The following SCTR variants were observed in gnomAD, a reference collection of about 807,000 sequenced individuals.
SCTR encodes the protein secretin receptor, also known as pancreatic secretin receptor.
Under a neutral mutation model 60.8 loss-of-function variants are expected in SCTR, and 56 were observed. The ratio of observed to expected loss-of-function variants is 0.92; its 90% CI spans 0.74 to 1.15. The LOEUF (loss-of-function observed/expected upper bound fraction) is 1.15, where lower values mean the gene tolerates loss of function less well. Ranked by LOEUF, SCTR falls within the 50% of genes most tolerant of loss-of-function variation. The probability of loss-of-function intolerance (pLI) is 0.00; values close to 1 mark genes in which losing one functional copy is unlikely to be tolerated. For missense variants in SCTR, 562 were observed against 550.4 expected (o/e 1.02, Z -0.21); for synonymous variants, 202 against 217.0 (o/e 0.93, Z 0.61).
At chr2:119,464,648 A>G (rs1173373752) in intron 5 of SCTR, among the ~76,000 whole-genome samples, 1 of 152,174 alleles carries the variant, frequency 6.6e-6, no homozygotes, top group African/African-American at 2.4e-5. Context: ...CAAGAGGCTG[A>G]AGTGGGAGGA....
chr2:119,515,498 T>A (rs1349775904), intron 1 of SCTR, among the ~76,000 whole-genome samples: 1 of 152,188 alleles, frequency 6.6e-6, no homozygotes, highest in Non-Finnish European at 1.5e-5. Context: ...TGCTTCAACG[T>A]GGGCAGGCAC....
At chr2:119,494,885 TGTGA>T (rs1245404077) in intron 1 of SCTR, among the ~76,000 whole-genome samples, 1 of 152,238 alleles carries the variant, frequency 6.6e-6, no homozygotes, top group Non-Finnish European at 1.5e-5. Flanking sequence ...ACTCCAACTG[TGTGA>T]GTGTTTTCTT....
chr2:119,458,758 CT>C (rs1230699666), intron 7 of SCTR, among the ~76,000 whole-genome samples: 1 of 152,214 alleles, frequency 6.6e-6, no homozygotes, highest in African/African-American at 2.4e-5. Context: ...AGTGTGGCCC[CT>C]GGACCAGCAG....
At chr2:119,506,962 C>A (rs1678760065) in intron 1 of SCTR, among the ~76,000 whole-genome samples, 1 of 152,160 alleles carries the variant, frequency 6.6e-6, no homozygotes, top group Non-Finnish European at 1.5e-5. Context: ...TGATTGTAAT[C>A]TTGTACTGTC....
intron 10 of SCTR, among the ~76,000 whole-genome samples, 169 bp from the exon 11 acceptor site, chr2:119,447,054 T>A (rs2276595): frequency 0.25 from 37,980 of 151,882 alleles, 5,543 homozygotes; most frequent in African/African-American, 0.4. Flanking sequence ...TCTAACTCCC[T>A]CATATCCATC....
At chr2:119,482,503 A>G (rs943283370) in intron 2 of SCTR, among the ~76,000 whole-genome samples, 1 of 152,226 alleles carries the variant, frequency 6.6e-6, no homozygotes, top group Non-Finnish European at 1.5e-5. Context: ...GGAAGCATCT[A>G]TGAGGCCAAG....
intron 9 of SCTR, 52 bp from the exon 10 acceptor site, chr2:119,448,832 A>G: frequency 1.0e-6 from 1 of 992,970 alleles, no homozygotes. Flanking sequence ...TTTTCCAGCC[A>G]CCTCTCCTGG....
At chr2:119,488,381 A>G (rs1414570713) in intron 2 of SCTR, among the ~76,000 whole-genome samples, 1 of 152,170 alleles carries the variant, frequency 6.6e-6, no homozygotes, top group Admixed American at 6.5e-5. Flanking sequence ...AGAGAGGGGT[A>G]TGGTCAGGGC....
At chr2:119,496,477 A>G (rs1678351414) in intron 1 of SCTR, among the ~76,000 whole-genome samples, 1 of 152,204 alleles carries the variant, frequency 6.6e-6, no homozygotes, top group Non-Finnish European at 1.5e-5. Flanking sequence ...TTCCAGAAAA[A>G]TGGGTTAGAT....
chr2:119,461,763 G>A (rs1683613219), intron 7 of SCTR, 84 bp downstream of exon 7: 6 of 1,047,842 alleles, frequency 5.7e-6, no homozygotes, highest in Non-Finnish European at 8.2e-6. Context: ...TGTGGAGCTG[G>A]AACTAAAAGC....
At chr2:119,501,077 G>A (rs1041907311) in intron 1 of SCTR, among the ~76,000 whole-genome samples, 9 of 152,078 alleles carry the variant, frequency 5.9e-5, no homozygotes, top group South Asian at 2.1e-4. Flanking sequence ...GACACAAAAA[G>A]ACAAATATTG....
At chr2:119,517,822 T>C (rs1679163128) in intron 1 of SCTR, among the ~76,000 whole-genome samples, 1 of 152,148 alleles carries the variant, frequency 6.6e-6, no homozygotes, top group African/African-American at 2.4e-5. Flanking sequence ...GGGAACAGCC[T>C]CTCTTCCACT....
At chr2:119,441,796 A>G in intron 11 of SCTR, 197 bp from the exon 12 acceptor site, 1 of 578,676 alleles carries the variant, frequency 1.7e-6, no homozygotes, top group Admixed American at 2.6e-5. Flanking sequence ...CTCATCCAGC[A>G]TAAACTGTGA....
chr2:119,518,830 C>T (rs901366190), intron 1 of SCTR, among the ~76,000 whole-genome samples: 3 of 151,958 alleles, frequency 2.0e-5, no homozygotes, highest in Non-Finnish European at 2.9e-5. Flanking sequence ...CAAGGGGGTG[C>T]CAGGAAGAGA....
chr2:119,508,295 G>C (rs1177687260), intron 1 of SCTR, among the ~76,000 whole-genome samples: 1 of 151,692 alleles, frequency 6.6e-6, no homozygotes, highest in African/African-American at 2.4e-5. Flanking sequence ...ACTTATCCTG[G>C]AGTTTGCTTC....
intron 2 of SCTR, among the ~76,000 whole-genome samples, chr2:119,484,984 A>G (rs1189694762): frequency 2.0e-5 from 3 of 152,170 alleles, no homozygotes; most frequent in South Asian, 4.1e-4. Context: ...GCAGGTCTAG[A>G]TGGGCAGACC....
chr2:119,524,266 T>C lies in SCTR; in HGVS notation c.-40A>G. The C allele has an allele frequency of 1.5e-6, 2 of 1,341,528 alleles. No homozygotes were observed. The highest frequency in any genetic ancestry group is 1.9e-6 in the Non-Finnish European group (2 of 1,027,044). The allele number at this position is 1,341,528 out of a possible 1,614,324, so 83.1% of individuals were successfully genotyped here. On this transcript the variant is annotated 5_prime_UTR_variant, in exon 1 of 13. Transcript: ENST00000019103. ...CCCCGAGGGCGCCCCGACGTCCGCCTGCCCGTGCCCTCTGCCCGCTCGGGA... is the reference window on the plus strand; with the variant it reads ...CCCCGAGGGCGCCCCGACGTCCGCCCGCCCGTGCCCTCTGCCCGCTCGGGA...
At chr2:119,520,958 T>A (rs1287960665) in intron 1 of SCTR, among the ~76,000 whole-genome samples, 2 of 152,110 alleles carry the variant, frequency 1.3e-5, no homozygotes, top group Non-Finnish European at 2.9e-5. Flanking sequence ...CCAGAAAAAA[T>A]TTGGCAATGT....
chr2:119,498,276 T>A (rs56094507), intron 1 of SCTR, among the ~76,000 whole-genome samples: 6,114 of 152,062 alleles, frequency 0.04, 398 homozygotes, highest in African/African-American at 0.13. Flanking sequence ...AGTAAAAATA[T>A]CCTCCAGGAA....
Sources: gnomAD v4.1 joint callset for allele counts (sites outside exome capture counted in the v4.1 genomes callset) on GRCh38, gnomAD v4.1.1 for gene constraint, MANE v1.5 for transcripts, NCBI Gene and HGNC (gene_info 2026-07-23, HGNC 2026-07-21) for gene names.